The following MYH11 variants were observed in gnomAD, a reference collection of about 807,000 sequenced individuals.
MYH11 encodes myosin heavy chain 11, also known as myosin-11.
A neutral mutation model predicts 246.6 loss-of-function variants in MYH11; 80 were observed. That is an observed-to-expected ratio of 0.32 (90% confidence interval 0.27 to 0.39). The LOEUF (loss-of-function observed/expected upper bound fraction) is 0.39. Among genes scored for constraint, MYH11 ranks in the 10% least tolerant of loss-of-function variants. The pLI, the probability that MYH11 is intolerant of heterozygous loss-of-function variation, is 1.00. For missense variants in MYH11, 2,158 were observed against 2,546.8 expected (o/e 0.85, Z 3.29); for synonymous variants, 1,071 against 1,015.5 (o/e 1.05, Z -1.04).
Position 15,720,253 on chromosome 16 carries a change from T to A in MYH11, c.4851A>T (p.Ala1617=). 6.2e-7 allele frequency: 1 copy of A among 1,614,170 alleles called. No homozygotes were observed. Among genetic ancestry groups the A allele is most frequent in the Non-Finnish European group, 8.5e-7 (1 of 1,180,020 alleles). Reference sequence around the variant, plus strand: ...GGTCCCCTTCCAGCTTCTTCTTTGCTGCAGCTGCCAGGGCACGTTGCTTTC... The same window carrying A: ...GGTCCCCTTCCAGCTTCTTCTTTGCAGCAGCTGCCAGGGCACGTTGCTTTC... ...DERKQRALAA[A]AKKKLEGDLK... Residue 1617 remains alanine (A), a synonymous_variant, in exon 34 of 41, where the codon GCA becomes GCT. Coordinates refer to ENST00000300036, the MANE Select transcript of MYH11 (RefSeq NM_002474.3).
At position 15,719,576 on chromosome 16, in the gene MYH11, A is replaced by C. The variant is rs765235227; in HGVS notation, c.5082+9T>G. 2 of 1,613,938 alleles carry C rather than the reference A, an allele frequency of 1.2e-6. No homozygotes were observed. The highest frequency in any genetic ancestry group is 1.7e-6 in the Non-Finnish European group (2 of 1,180,046). On this transcript the variant is annotated intron_variant, in intron 35 of 40. Coordinates refer to ENST00000300036, the MANE Select transcript of MYH11 (RefSeq NM_002474.3). ...CATCTGAGGCTCTCCTAGCAAGGCG[A>C]GGCTTTACCTCTTGTAGCTGCATGA...
intron 40 of MYH11, among the ~76,000 whole-genome samples, chr16:15,710,521 AAATAAAT>A (rs1219953472): frequency 6.6e-6 from 1 of 151,750 alleles, no homozygotes; most frequent in African/African-American, 2.4e-5. Flanking sequence ...CTCCGTCTAA[AAATAAAT>A]AATAAAAAGA....
intron 40 of MYH11, among the ~76,000 whole-genome samples, chr16:15,707,487 C>T (rs1488690706): frequency 6.6e-6 from 1 of 152,222 alleles, no homozygotes; most frequent in Non-Finnish European, 1.5e-5. Flanking sequence ...TGATCCCAAT[C>T]AGCTGGTAGG....
At chr16:15,757,782 G>T (rs377248604) in intron 13 of MYH11, 45 bp downstream of exon 13, 3 of 1,612,862 alleles carry the variant, frequency 1.9e-6, no homozygotes, top group Non-Finnish European at 2.5e-6. Context: ...GGCCACACAC[G>T]TGTACAAGGT....
Position 15,724,732 on chromosome 16 carries a change from T to A in MYH11, c.4031A>T (p.Glu1344Val), listed in dbSNP as rs886051746. The change falls in exon 30 of 41, where the codon GAG becomes GTG. Residue 1344 changes from glutamate to valine, a missense_variant. Around this residue, in one of 11 missense-constraint regions of MYH11, gnomAD observed 1,013 missense variants for 993.5 expected, o/e 1.02. Transcript: ENST00000300036. ...VSTKLRQLEEERNSLQDQLDE... is the reference protein window; with the variant it reads ...VSTKLRQLEEVRNSLQDQLDE... ...CAGCTGGTCTTGCAGGCTGTTCCGC[T>A]CCTCCTCCAGCTGGCGCAGCTTCGT... 1 of 1,614,016 alleles carries A rather than the reference T, an allele frequency of 6.2e-7. No homozygotes were observed. Among genetic ancestry groups the A allele is most frequent in the African/African-American group, 1.3e-5 (1 of 74,914 alleles).
intron 27 of MYH11, among the ~76,000 whole-genome samples, chr16:15,729,550 ATTTTTTT>A (rs35507327): frequency 1.5e-5 from 2 of 137,010 alleles, no homozygotes; most frequent in Non-Finnish European, 3.2e-5. Flanking sequence ...TCCAACCATA[ATTTTTTT>A]TTTTTTTTTT....
chr16:15,803,440 C>T (rs1271540595), intron 3 of MYH11, among the ~76,000 whole-genome samples: 2 of 151,906 alleles, frequency 1.3e-5, no homozygotes, highest in Non-Finnish European at 2.9e-5. Context: ...CCACGCCTGG[C>T]TAATTTTTCT....
chr16:15,733,921 A>C (rs2041041137), intron 26 of MYH11, among the ~76,000 whole-genome samples: 1 of 152,240 alleles, frequency 6.6e-6, no homozygotes, highest in Non-Finnish European at 1.5e-5. Flanking sequence ...GTGACACTGC[A>C]CAAAACCCAA....
chr16:15,763,738 A>AGCTGGGGGGGGCCCCCCC, intron 10 of MYH11, 58 bp downstream of exon 10: 1 of 717,694 alleles, frequency 1.4e-6, no homozygotes. Context: ...GTTAAATGTC[A>AGCTGGGGGGGGCCCCCCC]CCTCCCCCAC....
intron 9 of MYH11, among the ~76,000 whole-genome samples, 182 bp downstream of exon 9, chr16:15,771,387 C>G (rs1259892437): frequency 6.6e-6 from 1 of 151,402 alleles, no homozygotes; most frequent in African/African-American, 2.4e-5. Flanking sequence ...TATACAGCCA[C>G]TTTTCTACAA....
intron 1 of MYH11, among the ~76,000 whole-genome samples, chr16:15,845,930 A>G (rs1230500680): frequency 1.3e-5 from 2 of 152,058 alleles, no homozygotes; most frequent in African/African-American, 4.8e-5. Context: ...TGTCTCTACT[A>G]AAAATACAAA....
intron 15 of MYH11, 80 bp downstream of exon 15, chr16:15,753,314 C>A (rs951933838): frequency 7.9e-7 from 1 of 1,260,040 alleles, no homozygotes; most frequent in Non-Finnish European, 1.2e-6. Flanking sequence ...CCTCCTGGGG[C>A]AGGTGTGAGA....
chr16:15,788,609 G>T (rs1430716261), intron 4 of MYH11, among the ~76,000 whole-genome samples: 1 of 152,158 alleles, frequency 6.6e-6, no homozygotes, highest in Non-Finnish European at 1.5e-5. Flanking sequence ...CCACTGTCCA[G>T]AAATCAAGTG....
rs535996972 is a variant in MYH11, at chr16:15,745,250, G to T, written c.2412-13C>A. On this transcript the variant is annotated splice_polypyrimidine_tract_variant and intron_variant, in intron 19 of 40. Transcript: ENST00000300036. ...CTTGGCAAAAGCCCTAGGGAGGGGG[G>T]AAGAGAAGGTGCGGGGGTCATGAAG... is the stretch of plus-strand genomic sequence containing the variant. The T allele has an allele frequency of 1.2e-6, 2 of 1,603,208 alleles. No individual in the cohort carries two copies. Among genetic ancestry groups the T allele is most frequent in the South Asian group, 2.2e-5 (2 of 90,898 alleles).
At chr16:15,738,776 G>A in intron 23 of MYH11, 88 bp from the exon 24 acceptor site, 2 of 1,483,242 alleles carry the variant, frequency 1.3e-6, no homozygotes, top group Admixed American at 1.8e-5. Context: ...CATGTAAACA[G>A]TTGAAAGAAA....
intron 3 of MYH11, among the ~76,000 whole-genome samples, chr16:15,803,143 AAAAAAAGCAGG>A (rs955985957): frequency 2.2e-4 from 34 of 152,142 alleles, no homozygotes; most frequent in African/African-American, 8.2e-4. Flanking sequence ...TCTCAAAGAA[AAAAAAAGCAGG>A]AAAAAAGCAA....
intron 14 of MYH11, among the ~76,000 whole-genome samples, chr16:15,755,997 C>G: frequency 6.6e-6 from 1 of 152,164 alleles, no homozygotes; most frequent in Non-Finnish European, 1.5e-5. Context: ...ACTTGGGAAG[C>G]TGAGGCAGGA....
intron 22 of MYH11, among the ~76,000 whole-genome samples, chr16:15,740,715 A>T (rs1255813551): frequency 6.6e-6 from 1 of 152,150 alleles, no homozygotes; most frequent in Non-Finnish European, 1.5e-5. Context: ...TGGTTTTAAA[A>T]TCTATCCACA....
intron 5 of MYH11, among the ~76,000 whole-genome samples, chr16:15,784,188 T>G (rs1188692071): frequency 6.6e-6 from 1 of 151,362 alleles, no homozygotes; most frequent in Admixed American, 6.6e-5. Context: ...TGCACACGCA[T>G]GCACAGGGAC....
Sources: allele counts gnomAD v4.1 joint callset (sites outside exome capture counted in the v4.1 genomes callset), GRCh38; gene constraint gnomAD v4.1.1; regional missense constraint gnomAD v4.1.1; transcripts MANE v1.5; gene names NCBI Gene and HGNC (gene_info 2026-07-23, HGNC 2026-07-21).